FREM3: variants seen among roughly 807,000 people sequenced by gnomAD.
FREM3 encodes FRAS1-related extracellular matrix protein 3.
Under a neutral mutation model 129.1 loss-of-function variants are expected in FREM3, and 105 were observed. The observed-to-expected ratio is 0.81, with a 90% CI of 0.69 to 0.96. The LOEUF (loss-of-function observed/expected upper bound fraction) is 0.96, where lower values mean the gene tolerates loss of function less well. Ranked by LOEUF, FREM3 falls within the 40% of genes least tolerant of loss-of-function variation. The pLI, the probability that FREM3 is intolerant of heterozygous loss-of-function variation, is 0.00. For synonymous variants in FREM3, 1,014 were observed against 1,044.9 expected (o/e 0.97, Z 0.57); for missense variants, 2,593 against 2,666.3 (o/e 0.97, Z 0.61).
rs752989919 is a variant in FREM3, at chr4:143,697,528, T to C, written c.3148A>G (p.Asn1050Asp). The C allele has an allele frequency of 9.8e-6, 15 of 1,537,198 alleles. No homozygotes were observed. The highest frequency in any genetic ancestry group is 1.3e-5 in the Non-Finnish European group (15 of 1,146,938). Residue 1050 changes from asparagine (N) to aspartate (D), a missense_variant, in exon 1 of 8, where the codon AAT (asparagine) becomes GAT (aspartate). By Grantham distance (23) the Asn-to-Asp change is conservative (BLOSUM62 1). Transcript: ENST00000329798. ...ACCTGTACTTTCTCTATTATGCTAT[T>C]CCCCACTACCCATTGGTAAGAATCT... The part of the protein sequence containing the change: ...SKDSYQWVVG[N>D]SIIEKVQVQV...
chr4:143,587,093 G>C (rs1442973585), intron 6 of FREM3, among the ~76,000 whole-genome samples: 1 of 152,186 alleles, frequency 6.6e-6, no homozygotes, highest in Non-Finnish European at 1.5e-5. Context: ...GGGAGTAGTA[G>C]TAGTAAAACT....
intron 2 of FREM3, among the ~76,000 whole-genome samples, chr4:143,660,598 T>C (rs1361061419): frequency 6.6e-6 from 1 of 152,170 alleles, no homozygotes; most frequent in East Asian, 1.9e-4. Context: ...AACTTTAAAG[T>C]AGTTTTTTCC....
chr4:143,579,800 C>T (rs1406675747), intron 7 of FREM3, among the ~76,000 whole-genome samples: 4 of 152,124 alleles, frequency 2.6e-5, no homozygotes, highest in East Asian at 1.9e-4. Context: ...CTAACCTTAG[C>T]GGATGTCAAA....
At chr4:143,600,843 G>A (rs186981588) in intron 6 of FREM3, among the ~76,000 whole-genome samples, 3 of 152,168 alleles carry the variant, frequency 2.0e-5, no homozygotes, top group East Asian at 3.9e-4. Context: ...AAAAGACCAC[G>A]CACAGCCAAC....
Position 143,589,765 on chromosome 4 carries a change from G to C in FREM3, c.6029-3772C>G, listed in dbSNP as rs373254435. ...ATATGAACTTTAAAGTAGTTTTTTC[G>C]AATTCTGTGAAGAAAGTCATTGGTG... is the stretch of plus-strand genomic sequence containing the variant. On this transcript the variant is annotated intron_variant, in intron 6 of 7. Coordinates refer to ENST00000329798, the MANE Select transcript of FREM3 (RefSeq NM_001168235.2). Among the ~76,000 whole-genome samples, 32 of 152,012 alleles carry C rather than the reference G, an allele frequency of 2.1e-4. 1 individual carries two copies. The highest frequency in any genetic ancestry group is 9.6e-4 in the East Asian group (5 of 5,196).
At chr4:143,578,601 A>G (rs1738080770) in intron 7 of FREM3, among the ~76,000 whole-genome samples, 1 of 152,242 alleles carries the variant, frequency 6.6e-6, no homozygotes, top group African/African-American at 2.4e-5. Flanking sequence ...CAAAGTTAAC[A>G]CCACCAGTAA....
chr4:143,611,883 C>T (rs1283801511), intron 5 of FREM3, among the ~76,000 whole-genome samples: 1 of 152,148 alleles, frequency 6.6e-6, no homozygotes, highest in East Asian at 1.9e-4. Flanking sequence ...GAATCCACAG[C>T]ATGAAAATAG....
intron 2 of FREM3, among the ~76,000 whole-genome samples, chr4:143,691,593 T>C (rs1228058793): frequency 6.6e-6 from 1 of 152,234 alleles, no homozygotes; most frequent in African/African-American, 2.4e-5. Flanking sequence ...CTATTACTTG[T>C]ATGACTTCAG....
chr4:143,665,768 G>A (rs1739847534), intron 2 of FREM3, among the ~76,000 whole-genome samples: 1 of 152,068 alleles, frequency 6.6e-6, no homozygotes, highest in African/African-American at 2.4e-5. Context: ...AACTCCAGTA[G>A]AAGTTGATTG....
At chr4:143,686,558 A>T (rs1740368056) in intron 2 of FREM3, among the ~76,000 whole-genome samples, 1 of 152,194 alleles carries the variant, frequency 6.6e-6, no homozygotes, top group Non-Finnish European at 1.5e-5. Context: ...TTTCTCCAAG[A>T]TACATCATAT....
rs927265357 is a variant in FREM3, at chr4:143,585,926, A to G, written c.6096T>C (p.Cys2032=). 7.8e-6 allele frequency: 12 copies of G among 1,537,520 alleles called. No homozygotes were observed. The Admixed American group carries it at 2.4e-4, about 30-fold the overall frequency. The change falls in exon 7 of 8, where the codon TGT becomes TGC. Residue 2032 remains cysteine, a synonymous_variant. Coordinates refer to ENST00000329798, the MANE Select transcript of FREM3 (RefSeq NM_001168235.2). This position sits in a 1 kb window ranked among gnomAD's most constrained non-coding sequence, Gnocchi z 4.2. ...VNESARYVEV[C]VWRRGTDLSQ... ...AAAGATCAGTGCCTCTTCTCCAAAC[A>G]CAAACCTCCACGTAGCGAGCACTTT... is the stretch of plus-strand genomic sequence containing the variant.
chr4:143,681,683 ACT>A (rs1190619036), intron 2 of FREM3, among the ~76,000 whole-genome samples: 1 of 152,214 alleles, frequency 6.6e-6, no homozygotes, highest in Non-Finnish European at 1.5e-5. Context: ...TGCCAGTTAA[ACT>A]CTATACACCA....
chr4:143,698,206 G>GT lies in FREM3; in HGVS notation c.2469dup (p.Pro824ThrfsTer23). ...ACTTCTGGGGGCTGGTTGTCCACAG[G>GT]TTGCAGGAATAATGTGAATGTGCCT... On this transcript the variant is annotated frameshift_variant, in exon 1 of 8. Transcript: ENST00000329798. LOFTEE classifies it high-confidence loss of function. The GT allele has an allele frequency of 2.6e-6, 4 of 1,537,406 alleles. No individual in the cohort carries two copies. Among genetic ancestry groups the GT allele is most frequent in the Non-Finnish European group, 3.5e-6 (4 of 1,146,942 alleles).
chr4:143,656,825 A>C (rs1467666977), intron 2 of FREM3, among the ~76,000 whole-genome samples: 1 of 152,222 alleles, frequency 6.6e-6, no homozygotes, highest in Non-Finnish European at 1.5e-5. Context: ...AGTTTTCTTC[A>C]ATAAAACTGT....
chr4:143,694,194 A>G (rs1740525457), intron 1 of FREM3, among the ~76,000 whole-genome samples: 1 of 152,220 alleles, frequency 6.6e-6, no homozygotes, highest in African/African-American at 2.4e-5. Flanking sequence ...TACTATGTGC[A>G]TATTCTCTGG....
chr4:143,611,567 A>G (rs1367407435), intron 5 of FREM3, 40 bp from the exon 6 acceptor site: 12 of 1,517,220 alleles, frequency 7.9e-6, no homozygotes, highest in Non-Finnish European at 1.1e-5. Flanking sequence ...TTAAGAAGAA[A>G]TGGAATTCCA....
intron 5 of FREM3, among the ~76,000 whole-genome samples, chr4:143,614,628 G>T (rs1416484692): frequency 6.6e-6 from 1 of 152,176 alleles, no homozygotes; most frequent in East Asian, 1.9e-4. Flanking sequence ...GAGGCATGAT[G>T]AATGACAGTT....
rs147390222 is a variant in FREM3, at chr4:143,681,392, A to G, written c.5275+11721T>C. 1.4e-3 allele frequency among the ~76,000 whole-genome samples: 212 copies of G among 152,268 alleles called. 6 individuals carry two copies. The East Asian group carries it at 0.035, about 25-fold the overall frequency. ...TAGTAGAGATGTGAAAATTTTCAAT[A>G]TAAATCTATGATTCCATGAGTATAA... On this transcript the variant is annotated intron_variant, in intron 2 of 7. Coordinates refer to ENST00000329798, the MANE Select transcript of FREM3 (RefSeq NM_001168235.2).
At chr4:143,688,641 T>G (rs534004781) in intron 2 of FREM3, among the ~76,000 whole-genome samples, 1 of 152,264 alleles carries the variant, frequency 6.6e-6, no homozygotes, top group African/African-American at 2.4e-5. Context: ...AAGGCCATAG[T>G]CACTAATACG....
Sources: allele counts gnomAD v4.1 joint callset (sites outside exome capture counted in the v4.1 genomes callset), GRCh38; gene constraint gnomAD v4.1.1; non-coding constraint Gnocchi (gnomAD v3.1); transcripts MANE v1.5; gene names NCBI Gene and HGNC (gene_info 2026-07-23, HGNC 2026-07-21).